Variants in LRRC4C observed in about 807,000 individuals in gnomAD.
The protein encoded by LRRC4C is leucine rich repeat containing 4C, also known as leucine-rich repeat-containing protein 4C.
In LRRC4C, 5 loss-of-function variants were observed where a neutral mutation model predicts 33.6. The observed-to-expected ratio is 0.15, with a 90% CI of 0.08 to 0.31. LRRC4C has a LOEUF of 0.31. Among genes scored for constraint, LRRC4C ranks in the 10% least tolerant of loss-of-function variants. The pLI, the probability that LRRC4C is intolerant of heterozygous loss-of-function variation, is 1.00. For synonymous variants in LRRC4C, 329 were observed against 302.0 expected (o/e 1.09, Z -0.93); for missense variants, 560 against 796.7 (o/e 0.70, Z 3.58).
At chr11:40,496,057 C>T (rs2138569584) in intron 3 of LRRC4C, among the ~76,000 whole-genome samples, 1 of 151,940 alleles carries the variant, frequency 6.6e-6, no homozygotes, top group South Asian at 2.1e-4. Flanking sequence ...TTTCGAACTC[C>T]CGACCTCGGG....
At chr11:40,876,543 C>A (rs1954901067) in intron 2 of LRRC4C, among the ~76,000 whole-genome samples, 3 of 152,016 alleles carry the variant, frequency 2.0e-5, no homozygotes, top group African/African-American at 7.2e-5. Flanking sequence ...ATATTTCACA[C>A]AAGTAAGCAA....
chr11:40,846,020 GTTTTT>G (rs140994322), intron 2 of LRRC4C, among the ~76,000 whole-genome samples: 2 of 142,136 alleles, frequency 1.4e-5, no homozygotes, highest in Non-Finnish European at 3.1e-5. Context: ...ACTTTCTGAT[GTTTTT>G]TTTTTTTTTT....
chr11:40,721,458 G>T (rs1194103969), intron 2 of LRRC4C, among the ~76,000 whole-genome samples: 1 of 152,182 alleles, frequency 6.6e-6, no homozygotes, highest in Non-Finnish European at 1.5e-5. Context: ...CCCAGTCTAA[G>T]GTAATTTGTT....
intron 1 of LRRC4C, among the ~76,000 whole-genome samples, chr11:41,446,120 A>G (rs1427626740): frequency 1.3e-5 from 2 of 152,210 alleles, no homozygotes; most frequent in East Asian, 3.8e-4. Flanking sequence ...GACATTTAAT[A>G]AAAGCTGCTC....
intron 2 of LRRC4C, among the ~76,000 whole-genome samples, chr11:40,694,940 GT>G (rs1393986161): frequency 6.6e-6 from 1 of 151,678 alleles, no homozygotes; most frequent in Non-Finnish European, 1.5e-5. Context: ...CCAGCCGTTT[GT>G]TTCTTTTTTT....
At chr11:41,282,085 G>A (rs1949694143) in intron 1 of LRRC4C, among the ~76,000 whole-genome samples, 1 of 152,156 alleles carries the variant, frequency 6.6e-6, no homozygotes, top group African/African-American at 2.4e-5. Flanking sequence ...AATATATTGT[G>A]TTCTAAAATA....
intron 1 of LRRC4C, among the ~76,000 whole-genome samples, chr11:41,014,548 G>A (rs1169443615): frequency 6.8e-6 from 1 of 147,696 alleles, no homozygotes; most frequent in African/African-American, 2.5e-5. Context: ...CCATGATGTT[G>A]TAGAAAACAT....
chr11:40,774,779 T>C (rs1949911625), intron 2 of LRRC4C, among the ~76,000 whole-genome samples: 1 of 152,142 alleles, frequency 6.6e-6, no homozygotes, highest in African/African-American at 2.4e-5. Flanking sequence ...CAAAAAGTGA[T>C]AATGGGAATG....
intron 3 of LRRC4C, among the ~76,000 whole-genome samples, chr11:40,542,589 G>T (rs565275596): frequency 2.0e-5 from 3 of 152,006 alleles, no homozygotes; most frequent in African/African-American, 7.2e-5. Context: ...TAATTTCCTG[G>T]CTTGGGAGTT....
chr11:40,376,483 AG>A (rs1264827260), intron 3 of LRRC4C, among the ~76,000 whole-genome samples: 1 of 152,332 alleles, frequency 6.6e-6, no homozygotes, highest in East Asian at 1.9e-4. Context: ...AAAGAACTAC[AG>A]GAGTTTAAAG....
chr11:40,414,876 G>C (rs548969835), intron 3 of LRRC4C, among the ~76,000 whole-genome samples: 1 of 152,106 alleles, frequency 6.6e-6, no homozygotes, highest in African/African-American at 2.4e-5. Context: ...TGATCAAGCA[G>C]AGCAGACAGA....
At chr11:40,593,732 T>C (rs1415797011) in intron 3 of LRRC4C, among the ~76,000 whole-genome samples, 1 of 152,220 alleles carries the variant, frequency 6.6e-6, no homozygotes, top group Non-Finnish European at 1.5e-5. Flanking sequence ...AAAAACTGCA[T>C]AGGGATGAAT....
At chr11:40,559,642 G>GT (rs1957470200) in intron 3 of LRRC4C, among the ~76,000 whole-genome samples, 1 of 152,160 alleles carries the variant, frequency 6.6e-6, no homozygotes, top group Non-Finnish European at 1.5e-5. Flanking sequence ...CCAACAGTGT[G>GT]TAAGTGTTCC....
intron 3 of LRRC4C, among the ~76,000 whole-genome samples, chr11:40,549,124 A>G (rs911640474): frequency 9.2e-5 from 14 of 152,202 alleles, no homozygotes; most frequent in Non-Finnish European, 1.9e-4. Flanking sequence ...AGTATATTGC[A>G]TGTACATTGA....
At chr11:40,846,144 T>C (rs947713001) in intron 2 of LRRC4C, among the ~76,000 whole-genome samples, 1 of 152,164 alleles carries the variant, frequency 6.6e-6, no homozygotes, top group African/African-American at 2.4e-5. Flanking sequence ...TTCACTCTGA[T>C]GATAGTTTCT....
At chr11:41,449,958 A>G (rs1353370007) in intron 1 of LRRC4C, among the ~76,000 whole-genome samples, 1 of 152,144 alleles carries the variant, frequency 6.6e-6, no homozygotes, top group Admixed American at 6.6e-5. Flanking sequence ...TGAAACTGTC[A>G]TCCCTCTAGC....
At chr11:40,365,230 A>T (rs1444150882) in intron 3 of LRRC4C, among the ~76,000 whole-genome samples, 1 of 152,086 alleles carries the variant, frequency 6.6e-6, no homozygotes, top group African/African-American at 2.4e-5. Flanking sequence ...CATATATACG[A>T]TTTAAAATTA....
chr11:40,517,081 G>A (rs900466799), intron 3 of LRRC4C, among the ~76,000 whole-genome samples: 3 of 152,124 alleles, frequency 2.0e-5, no homozygotes, highest in African/African-American at 7.2e-5. Context: ...TGATAAGCAA[G>A]ATTAAAGTCT....
intron 1 of LRRC4C, among the ~76,000 whole-genome samples, chr11:41,434,228 C>T (rs1955344929): frequency 6.6e-6 from 1 of 152,152 alleles, no homozygotes; most frequent in South Asian, 2.1e-4. Context: ...ACTGCCACAT[C>T]CTTTGGTTTC....
Sources: gnomAD v4.1 joint callset for allele counts (sites outside exome capture counted in the v4.1 genomes callset) on GRCh38, gnomAD v4.1.1 for gene constraint, MANE v1.5 for transcripts, NCBI Gene and HGNC (gene_info 2026-07-23, HGNC 2026-07-21) for gene names.